Variants in MECOM observed in about 807,000 individuals in gnomAD.
The protein encoded by MECOM is histone-lysine N-methyltransferase MECOM.
In MECOM, 13 loss-of-function variants were observed where a neutral mutation model predicts 116.3. The observed-to-expected ratio is 0.11, with a 90% CI of 0.07 to 0.18. The LOEUF is 0.18. Ranked by LOEUF, MECOM falls within the 10% of genes least tolerant of loss-of-function variation. MECOM has a pLI of 1.00. For synonymous variants in MECOM, 528 were observed against 535.2 expected (o/e 0.99, Z 0.19); for missense variants, 1,299 against 1,509.0 (o/e 0.86, Z 2.31).
At chr3:169,465,772 T>C (rs530349221) in intron 1 of MECOM, among the ~76,000 whole-genome samples, 4 of 152,336 alleles carry the variant, frequency 2.6e-5, no homozygotes, top group East Asian at 1.9e-4. Flanking sequence ...ATCTTGGAGA[T>C]AAGTGATTAC....
chr3:169,179,516 G>C (rs751003818), intron 2 of MECOM, among the ~76,000 whole-genome samples: 1 of 152,146 alleles, frequency 6.6e-6, no homozygotes, highest in Non-Finnish European at 1.5e-5. Flanking sequence ...GAAAAAGCTC[G>C]TTGACCTCTA....
chr3:169,302,384 C>T (rs965135868), intron 2 of MECOM, among the ~76,000 whole-genome samples: 3 of 152,180 alleles, frequency 2.0e-5, no homozygotes, highest in South Asian at 2.1e-4. Context: ...GTTTGTTTCC[C>T]ATGGCCCAGT....
intron 1 of MECOM, among the ~76,000 whole-genome samples, chr3:169,404,494 A>C (rs1324406089): frequency 6.6e-6 from 1 of 152,220 alleles, no homozygotes; most frequent in African/African-American, 2.4e-5. Flanking sequence ...GCCAAACATA[A>C]AGCAGAGAAA....
intron 2 of MECOM, among the ~76,000 whole-genome samples, chr3:169,294,501 C>A (rs552694512): frequency 6.6e-6 from 1 of 152,224 alleles, no homozygotes; most frequent in East Asian, 1.9e-4. Flanking sequence ...GAAGCAGTAG[C>A]CTGGTCTCTG....
chr3:169,550,307 T>C (rs1217564579), intron 1 of MECOM, among the ~76,000 whole-genome samples: 2 of 152,226 alleles, frequency 1.3e-5, no homozygotes, highest in Admixed American at 1.3e-4. Flanking sequence ...GACAGGCTCC[T>C]GAAAGGTTAA....
intron 1 of MECOM, chr3:169,477,115 A>G (rs1407199655): frequency 8.9e-5 from 3 of 33,698 alleles, no homozygotes; most frequent in Non-Finnish European, 1.2e-4. Context: ...GTATATATAT[A>G]TATATATATA....
chr3:169,380,840 A>T (rs1188241756), intron 2 of MECOM, among the ~76,000 whole-genome samples: 1 of 152,184 alleles, frequency 6.6e-6, no homozygotes, highest in East Asian at 1.9e-4. Flanking sequence ...AAAATGCAAT[A>T]AACATGTCAT....
chr3:169,100,094 TTTCTTTC>T (rs1413377027), intron 12 of MECOM, among the ~76,000 whole-genome samples: 5 of 102,932 alleles, frequency 4.9e-5, no homozygotes, highest in East Asian at 3.2e-4. Flanking sequence ...TCTTTCTTTC[TTTCTTTC>T]TTTTTTTTTT....
At chr3:169,400,743 A>G (rs1577985423) in intron 1 of MECOM, among the ~76,000 whole-genome samples, 1 of 152,208 alleles carries the variant, frequency 6.6e-6, no homozygotes, top group African/African-American at 2.4e-5. Context: ...TATATTTGCT[A>G]CTGTGTTCTC....
intron 1 of MECOM, among the ~76,000 whole-genome samples, chr3:169,635,437 A>G (rs1345815002): frequency 2.6e-5 from 4 of 152,176 alleles, no homozygotes; most frequent in Non-Finnish European, 5.9e-5. Context: ...TCTCCAACCT[A>G]CATTTTTAGC....
chr3:169,476,422 C>T (rs1750383277), intron 1 of MECOM, among the ~76,000 whole-genome samples: 1 of 152,112 alleles, frequency 6.6e-6, no homozygotes, highest in Non-Finnish European at 1.5e-5. Context: ...ATTTTATTTG[C>T]AGAGTACAGT....
intron 2 of MECOM, among the ~76,000 whole-genome samples, chr3:169,204,759 T>A (rs1356251): frequency 0.33 from 50,741 of 151,998 alleles, 9,354 homozygotes; most frequent in Middle Eastern, 0.56. Flanking sequence ...TTTTATCAAA[T>A]GGAAAGAAAA....
intron 1 of MECOM, among the ~76,000 whole-genome samples, chr3:169,597,860 G>T (rs1470574740): frequency 6.6e-6 from 1 of 152,178 alleles, no homozygotes; most frequent in Non-Finnish European, 1.5e-5. Context: ...GAAGACTGGT[G>T]TCATACAGAG....
chr3:169,446,615 C>G (rs1744668597), intron 1 of MECOM, among the ~76,000 whole-genome samples: 1 of 152,222 alleles, frequency 6.6e-6, no homozygotes, highest in Admixed American at 6.5e-5. Context: ...CCCTCCCTTT[C>G]CTGATAATTA....
At chr3:169,480,097 A>T (rs963327181) in intron 1 of MECOM, among the ~76,000 whole-genome samples, 8 of 152,326 alleles carry the variant, frequency 5.3e-5, no homozygotes, top group Non-Finnish European at 8.8e-5. Flanking sequence ...ATTGGTATAA[A>T]AAAAGTATGA....
intron 1 of MECOM, among the ~76,000 whole-genome samples, chr3:169,462,455 A>G (rs1332698756): frequency 6.6e-6 from 1 of 152,218 alleles, no homozygotes; most frequent in Non-Finnish European, 1.5e-5. Flanking sequence ...TCTGAGAGCA[A>G]GGAGTGAGAA....
chr3:169,534,920 G>A (rs1280141928), intron 1 of MECOM, among the ~76,000 whole-genome samples: 3 of 152,230 alleles, frequency 2.0e-5, no homozygotes, highest in Non-Finnish European at 2.9e-5. Flanking sequence ...AGCTGTGAGA[G>A]GAAGTTGCAT....
At chr3:169,285,229 C>G (rs1458268341) in intron 2 of MECOM, among the ~76,000 whole-genome samples, 3 of 152,162 alleles carry the variant, frequency 2.0e-5, no homozygotes, top group Non-Finnish European at 4.4e-5. Flanking sequence ...ACAGGCAGCA[C>G]AGACACAGGC....
At chr3:169,409,886 G>A (rs936820736) in intron 1 of MECOM, among the ~76,000 whole-genome samples, 3 of 152,130 alleles carry the variant, frequency 2.0e-5, no homozygotes, top group South Asian at 2.1e-4. Flanking sequence ...CAGAGAAAAC[G>A]CAATATTGTG....
Sources: allele counts gnomAD v4.1 joint callset (sites outside exome capture counted in the v4.1 genomes callset), GRCh38; gene constraint gnomAD v4.1.1; transcripts MANE v1.5; gene names NCBI Gene and HGNC (gene_info 2026-07-23, HGNC 2026-07-21).